EML1: variants seen among roughly 807,000 people sequenced by gnomAD.
EML1 encodes the protein EMAP like 1.
EML1 carries 27 observed loss-of-function variants against 110.4 expected under a neutral mutation model. That is an observed-to-expected ratio of 0.24 (90% CI 0.18 to 0.34). The LOEUF is 0.34. Ranked by LOEUF, EML1 falls within the 10% of genes least tolerant of loss-of-function variation. EML1 has a pLI of 1.00. For synonymous variants in EML1, 344 were observed against 385.8 expected, an observed-to-expected ratio of 0.89 and a Z score of 1.27; for missense variants, 741 against 1,030.9, an observed-to-expected ratio of 0.72 and a Z score of 3.85.
chr14:99,859,374 T>G (rs8005472), intron 2 of EML1, among the ~76,000 whole-genome samples: 2,936 of 152,242 alleles, frequency 0.019, 101 homozygotes, highest in African/African-American at 0.068. Context: ...CTCCCTTCAC[T>G]TCCAGCGGGT....
Position 99,936,453 on chromosome 14 carries a change from A to C in EML1, c.2095+119A>C. The C allele has an allele frequency of 1.1e-6, 1 of 901,600 alleles. No individual in the cohort carries two copies. The highest frequency in any genetic ancestry group is 1.7e-6 in the Non-Finnish European group (1 of 578,356). The allele number at this position is 901,600 out of a possible 1,614,324, so 55.9% of individuals were successfully genotyped here. ...GACTTAGGCACGTGCCATCATCTCTAGGTCATGGTTTCCGCCTCTGTAACG... is the reference window on the plus strand; with the variant it reads ...GACTTAGGCACGTGCCATCATCTCTCGGTCATGGTTTCCGCCTCTGTAACG... On this transcript the variant is annotated intron_variant, in intron 19 of 21. Transcript: ENST00000262233. This position sits in a 1 kb window ranked among gnomAD's most constrained non-coding sequence, Gnocchi z 5.5.
chr14:99,748,327 C>G (rs1420452161), intron 1 of EML1, among the ~76,000 whole-genome samples: 1 of 152,140 alleles, frequency 6.6e-6, no homozygotes, highest in East Asian at 1.9e-4. Context: ...GTGGTACTCA[C>G]GTTTCTCCCC....
At chr14:99,809,845 G>C (rs2058045308) in intron 1 of EML1, among the ~76,000 whole-genome samples, 1 of 152,214 alleles carries the variant, frequency 6.6e-6, no homozygotes, top group African/African-American at 2.4e-5. Context: ...GTGACTATGG[G>C]TCTTGTCCTA....
chr14:99,933,249 C>T (rs760911797), intron 17 of EML1, among the ~76,000 whole-genome samples: 1 of 152,206 alleles, frequency 6.6e-6, no homozygotes, highest in Non-Finnish European at 1.5e-5. Flanking sequence ...AATCTCGGCT[C>T]ACTGCAACCT....
At chr14:99,850,767 T>A in intron 1 of EML1, 86 bp from the exon 2 acceptor site, 1 of 1,457,028 alleles carries the variant, frequency 6.9e-7, no homozygotes, top group Non-Finnish European at 9.4e-7. Flanking sequence ...AACAATGGGC[T>A]TAAAACAGCA....
chr14:99,804,718 G>T (rs566818545), intron 1 of EML1, among the ~76,000 whole-genome samples: 2 of 152,176 alleles, frequency 1.3e-5, no homozygotes, highest in Admixed American at 6.5e-5. Context: ...CAGAGCAAAG[G>T]CCTTTCCCTT....
chr14:99,853,772 C>T (rs544728713), intron 2 of EML1, among the ~76,000 whole-genome samples: 28 of 152,270 alleles, frequency 1.8e-4, no homozygotes, highest in Non-Finnish European at 2.9e-4. Context: ...CGGGTTCAAG[C>T]GATTCTCCAG....
chr14:99,847,814 A>G (rs919432692), intron 1 of EML1, among the ~76,000 whole-genome samples: 2 of 151,864 alleles, frequency 1.3e-5, no homozygotes, highest in African/African-American at 4.8e-5. Context: ...TAATATTGCC[A>G]TCCAGCCTTT....
chr14:99,858,749 C>G (rs760376403), intron 2 of EML1, among the ~76,000 whole-genome samples: 13 of 152,196 alleles, frequency 8.5e-5, no homozygotes, highest in Non-Finnish European at 1.6e-4. Context: ...AGCTAATCAT[C>G]TACTTTGTCT....
rs757972076 is a variant in EML1 at position 99,917,784 on chromosome 14, T to A, written c.1755T>A (p.Asp585Glu). ...ACACTTCCTTTAAAATATTTTAGGA[T>A]CCAGCTCAGTCTTCTGGTTTTCATC... ...HRPVWDKIIEDPAQSSGFHPS... is the reference protein window; with the variant it reads ...HRPVWDKIIEEPAQSSGFHPS... The change falls in exon 16 of 22, where the codon GAT (aspartate) becomes GAA (glutamate). Residue 585 changes from aspartate (D) to glutamate (E), a missense_variant and splice_region_variant. Coordinates refer to ENST00000262233, the MANE Select transcript of EML1 (RefSeq NM_004434.3). 6.2e-7 allele frequency: 1 copy of A among 1,614,204 alleles called. No homozygotes were observed.
At chr14:99,811,153 A>G (rs2058071426) in intron 1 of EML1, among the ~76,000 whole-genome samples, 2 of 151,624 alleles carry the variant, frequency 1.3e-5, no homozygotes, top group African/African-American at 4.8e-5. Flanking sequence ...TTAAAAATTC[A>G]TGTATAATAG....
At chr14:99,808,274 A>G (rs1454752408) in intron 1 of EML1, among the ~76,000 whole-genome samples, 1 of 152,206 alleles carries the variant, frequency 6.6e-6, no homozygotes, top group Non-Finnish European at 1.5e-5. Flanking sequence ...AGTGCCTCGC[A>G]GGGAGTTTGT....
intron 3 of EML1, among the ~76,000 whole-genome samples, chr14:99,872,894 T>C (rs1233827401): frequency 6.6e-6 from 1 of 152,240 alleles, no homozygotes; most frequent in African/African-American, 2.4e-5. Context: ...TATGTTTGTT[T>C]TCTTTTCTCC....
chr14:99,832,941 C>G (rs1299329959), intron 1 of EML1, among the ~76,000 whole-genome samples: 2 of 152,040 alleles, frequency 1.3e-5, no homozygotes, highest in Non-Finnish European at 2.9e-5. Flanking sequence ...TGTGTCGGTT[C>G]TTACATGGGT....
chr14:99,750,292 G>A (rs1188457789), intron 1 of EML1, among the ~76,000 whole-genome samples: 1 of 152,178 alleles, frequency 6.6e-6, no homozygotes, highest in Non-Finnish European at 1.5e-5. Context: ...CTGCAGTCTG[G>A]GAAAAGCAGG....
At chr14:99,804,824 T>C (rs2057941884) in intron 1 of EML1, among the ~76,000 whole-genome samples, 1 of 152,112 alleles carries the variant, frequency 6.6e-6, no homozygotes, top group Non-Finnish European at 1.5e-5. Flanking sequence ...GAAACCTCAT[T>C]TATCTCTGAA....
rs1035664618 is a variant in EML1, at chr14:99,939,615, C to T, written c.2322+288C>T. On this transcript the variant is annotated intron_variant, in intron 21 of 21. Transcript: ENST00000262233. The surrounding 1 kb of genome is among the most constrained non-coding windows in gnomAD (Gnocchi z 4.2). Reference sequence around the variant, plus strand: ...CTTGCTCCGGCCCTGCTCAGCCGCGCCAGCCCTGAGCCCTGGGACGCCCTT... The same window carrying T: ...CTTGCTCCGGCCCTGCTCAGCCGCGTCAGCCCTGAGCCCTGGGACGCCCTT... 6.6e-6 allele frequency among the ~76,000 whole-genome samples: 1 copy of T among 152,188 alleles called. No individual in the cohort carries two copies. Among genetic ancestry groups the T allele is most frequent in the African/African-American group, 2.4e-5 (1 of 41,452 alleles).
chr14:99,799,346 A>G (rs1428540764), intron 1 of EML1, among the ~76,000 whole-genome samples: 4 of 152,232 alleles, frequency 2.6e-5, no homozygotes. Flanking sequence ...TCTCTTAACT[A>G]TGATTACAGC....
chr14:99,908,693 G>A (rs1350546415), intron 10 of EML1, among the ~76,000 whole-genome samples: 1 of 152,182 alleles, frequency 6.6e-6, no homozygotes, highest in African/African-American at 2.4e-5. Context: ...TTAGGGTGTG[G>A]GCTGAAGGTG....
Sources: gnomAD v4.1 joint callset for allele counts (sites outside exome capture counted in the v4.1 genomes callset) on GRCh38, gnomAD v4.1.1 for gene constraint, Gnocchi (gnomAD v3.1) non-coding constraint, MANE v1.5 for transcripts, NCBI Gene and HGNC (gene_info 2026-07-23, HGNC 2026-07-21) for gene names.